The following FSD1L variants were observed in gnomAD, a reference collection of about 807,000 sequenced individuals.
FSD1L encodes the protein FSD1-like protein.
In FSD1L, 45 loss-of-function variants were observed where a neutral mutation model predicts 71.6. The ratio of observed to expected loss-of-function variants is 0.63; its 90% CI spans 0.49 to 0.81. The LOEUF is 0.81. FSD1L is among the 30% of genes least tolerant of loss of function. The pLI, the probability that FSD1L is intolerant of heterozygous loss-of-function variation, is 0.00. For missense variants in FSD1L, 561 were observed against 618.1 expected (o/e 0.91, Z 0.98); for synonymous variants, 197 against 207.2 (o/e 0.95, Z 0.42).
At chr9:105,541,062 T>C (rs2768284) in intron 13 of FSD1L, among the ~76,000 whole-genome samples, 16,531 of 152,156 alleles carry the variant, frequency 0.11, 1,174 homozygotes, top group Admixed American at 0.21. Context: ...CTGTAACTTC[T>C]CAACTATAAG....
intron 7 of FSD1L, among the ~76,000 whole-genome samples, chr9:105,502,621 C>T (rs951407169): frequency 2.0e-5 from 3 of 152,078 alleles, no homozygotes; most frequent in Non-Finnish European, 4.4e-5. Flanking sequence ...CTTCTGCATT[C>T]TGACAGAGAG....
At chr9:105,535,845 G>A (rs1836231896) in intron 12 of FSD1L, among the ~76,000 whole-genome samples, 1 of 151,956 alleles carries the variant, frequency 6.6e-6, no homozygotes, top group Non-Finnish European at 1.5e-5. Flanking sequence ...TACTATCCTA[G>A]TAAACATAAG....
In FSD1L at chr9:105,526,426, G is replaced by A. The variant is rs533430258; in HGVS notation, c.1026-8067G>A. ...TACCCAGTGAAACTCCCACAGCAGC[G>A]CAGGTAGATGGGGCTGACCTGGCCT... On this transcript the variant is annotated intron_variant, in intron 10 of 13. Transcript: ENST00000481272. 3.8e-5 allele frequency: 62 copies of A among 1,613,176 alleles called. No homozygotes were observed. In the Middle Eastern group the frequency reaches 1.3e-3, roughly 35 times the overall value.
intron 7 of FSD1L, among the ~76,000 whole-genome samples, chr9:105,491,140 A>G (rs1396899670): frequency 1.3e-5 from 2 of 152,140 alleles, no homozygotes; most frequent in East Asian, 3.9e-4. Context: ...ACCCATGAGC[A>G]TGGAATGTTC....
intron 8 of FSD1L, among the ~76,000 whole-genome samples, chr9:105,507,090 A>G (rs1834099726): frequency 6.6e-6 from 1 of 152,236 alleles, no homozygotes; most frequent in Non-Finnish European, 1.5e-5. Flanking sequence ...TTTCAGAATA[A>G]CATTTAATTT....
intron 1 of FSD1L, among the ~76,000 whole-genome samples, chr9:105,453,539 A>T (rs781336975): frequency 3.9e-5 from 6 of 151,990 alleles, no homozygotes; most frequent in East Asian, 3.9e-4. Context: ...GTCTGCATGT[A>T]TCTTTCCCCT....
At chr9:105,469,678 C>G (rs776200998) in intron 4 of FSD1L, among the ~76,000 whole-genome samples, 2 of 146,946 alleles carry the variant, frequency 1.4e-5, no homozygotes, top group African/African-American at 2.5e-5. Flanking sequence ...GATATTAACT[C>G]CTTATCAGGT....
chr9:105,489,964 T>C (rs1037708716), intron 7 of FSD1L, among the ~76,000 whole-genome samples: 1 of 152,182 alleles, frequency 6.6e-6, no homozygotes, highest in Non-Finnish European at 1.5e-5. Flanking sequence ...GCAATAAACA[T>C]ACGTGTGCAT....
intron 1 of FSD1L, among the ~76,000 whole-genome samples, chr9:105,452,254 T>A (rs1830053597): frequency 6.6e-6 from 1 of 152,210 alleles, no homozygotes. Context: ...AACCAACTGT[T>A]CCATGTTCCA....
chr9:105,454,732 A>G (rs908936063), intron 1 of FSD1L, among the ~76,000 whole-genome samples: 2 of 152,164 alleles, frequency 1.3e-5, no homozygotes, highest in African/African-American at 4.8e-5. Flanking sequence ...CAAATCCTAG[A>G]TGGGAGATTA....
rs779546602 is a variant in FSD1L, at chr9:105,551,223, A to T, written c.*4740A>T. The T allele has an allele frequency of 3.3e-5, 5 of 152,102 alleles. No individual in the cohort carries two copies. Among genetic ancestry groups the T allele is most frequent in the Non-Finnish European group, 7.4e-5 (5 of 67,986 alleles). The allele number at this position is 152,102 out of a possible 1,614,324, so 9.4% of individuals were successfully genotyped here. ...TAATTCATACTATAAGACAGATAAT[A>T]GCTAAAGTTTTGGAATAATTTATAT... is the stretch of plus-strand genomic sequence containing the variant. On this transcript the variant is annotated 3_prime_UTR_variant, in exon 14 of 14. Coordinates refer to ENST00000481272, the MANE Select transcript of FSD1L (RefSeq NM_001145313.3).
At chr9:105,530,758 T>G (rs1251007135) in intron 10 of FSD1L, 6 of 505,320 alleles carry the variant, frequency 1.2e-5, no homozygotes, top group Non-Finnish European at 2.1e-5. Context: ...CTGTGCCTTT[T>G]CAGTTGACAA....
At chr9:105,526,072 A>T (rs1259747070) in intron 10 of FSD1L, 3 of 1,512,536 alleles carry the variant, frequency 2.0e-6, no homozygotes, top group African/African-American at 1.4e-5. Context: ...TCACATGTTC[A>T]GTATTCAGAT....
Position 105,448,084 on chromosome 9 carries a change from G to C in FSD1L, c.-137G>C, listed in dbSNP as rs1011200893. 14 of 999,372 alleles carry C rather than the reference G, an allele frequency of 1.4e-5. No homozygotes were observed. In the South Asian group the frequency reaches 1.8e-4, roughly 13 times the overall value. 61.9% of individuals were successfully genotyped at this position (999,372 alleles called of 1,614,324 possible). On this transcript the variant is annotated 5_prime_UTR_variant, in exon 1 of 14. Transcript: ENST00000481272. Reference sequence around the variant, plus strand: ...ACTACGGCGCGCGCGGTCTGGGCGCGGACGGGTGGGGCCGGGCGGTGCCGG... The same window carrying C: ...ACTACGGCGCGCGCGGTCTGGGCGCCGACGGGTGGGGCCGGGCGGTGCCGG...
In FSD1L at chr9:105,485,534, T is replaced by G. The variant is rs10991668; in HGVS notation, c.586+1032T>G. Among the ~76,000 whole-genome samples, 170 of 17,384 alleles carry G rather than the reference T, an allele frequency of 9.8e-3. 2 individuals carry two copies. Among genetic ancestry groups the G allele is most frequent in the Middle Eastern group, 0.017 (1 of 58 alleles). The allele number at this position is 17,384 out of a possible 152,430, so 11.4% of individuals were successfully genotyped here. ...GACTTAACAACCTTTTGGTTAGGTG[T>G]TTTTTTTTTTTTTTTTTTTTTTGCA... On this transcript the variant is annotated intron_variant, in intron 7 of 13. Coordinates refer to ENST00000481272, the MANE Select transcript of FSD1L (RefSeq NM_001145313.3).
chr9:105,485,293 G>A (rs1832461584), intron 7 of FSD1L, among the ~76,000 whole-genome samples: 1 of 152,194 alleles, frequency 6.6e-6, no homozygotes, highest in South Asian at 2.1e-4. Context: ...ACATGATGGA[G>A]CATAGAAGGG....
intron 10 of FSD1L, chr9:105,523,659 A>T (rs959577837): frequency 2.5e-6 from 4 of 1,602,458 alleles, no homozygotes; most frequent in Non-Finnish European, 3.4e-6. Flanking sequence ...TAAGGCAACC[A>T]TGTTGACTGA....
At chr9:105,504,549 T>G (rs997341144) in intron 7 of FSD1L, among the ~76,000 whole-genome samples, 2 of 152,184 alleles carry the variant, frequency 1.3e-5, no homozygotes, top group Admixed American at 1.3e-4. Context: ...CTTTTGTTGT[T>G]GTGGTTTTGA....
intron 10 of FSD1L, chr9:105,525,041 A>C: frequency 2.5e-6 from 4 of 1,583,100 alleles, no homozygotes; most frequent in Non-Finnish European, 3.4e-6. Context: ...AAATGTCAGA[A>C]TCATAGTACG....
Sources: allele counts gnomAD v4.1 joint callset (sites outside exome capture counted in the v4.1 genomes callset), GRCh38; gene constraint gnomAD v4.1.1; transcripts MANE v1.5; gene names NCBI Gene and HGNC (gene_info 2026-07-23, HGNC 2026-07-21).